The following ITGB5 variants were observed in gnomAD, a reference collection of about 807,000 sequenced individuals.
The protein encoded by ITGB5 is integrin subunit beta 5, also known as integrin beta-5.
A neutral mutation model predicts 84.8 loss-of-function variants in ITGB5; 38 were observed. The ratio of observed to expected loss-of-function variants is 0.45; its 90% CI spans 0.35 to 0.59. The LOEUF (loss-of-function observed/expected upper bound fraction) is 0.59, where lower values mean the gene tolerates loss of function less well. ITGB5 is among the 20% of genes least tolerant of loss of function. The pLI, the probability that ITGB5 is intolerant of heterozygous loss-of-function variation, is 0.01. For missense variants in ITGB5, 905 were observed against 1,034.5 expected, an observed-to-expected ratio of 0.87 and a Z score of 1.72; for synonymous variants, 393 against 414.4, an observed-to-expected ratio of 0.95 and a Z score of 0.63.
chr3:124,782,957 T>C (rs1354475527), intron 10 of ITGB5, among the ~76,000 whole-genome samples: 2 of 151,278 alleles, frequency 1.3e-5, no homozygotes, highest in African/African-American at 4.9e-5. Flanking sequence ...TTATTTTCTA[T>C]TATTTTCCCT....
intron 1 of ITGB5, among the ~76,000 whole-genome samples, chr3:124,881,200 T>C (rs1934550151): frequency 6.6e-6 from 1 of 151,898 alleles, no homozygotes; most frequent in African/African-American, 2.4e-5. Flanking sequence ...GCCAGGGTGG[T>C]CTCGAACTCC....
intron 5 of ITGB5, among the ~76,000 whole-genome samples, chr3:124,827,524 T>C (rs1282526697): frequency 1.3e-5 from 2 of 152,216 alleles, no homozygotes; most frequent in Non-Finnish European, 2.9e-5. Flanking sequence ...AAAACTACAA[T>C]AAGATCCTAC....
intron 3 of ITGB5, among the ~76,000 whole-genome samples, chr3:124,850,433 G>A (rs2065135468): frequency 6.6e-6 from 1 of 151,526 alleles, no homozygotes; most frequent in African/African-American, 2.4e-5. Flanking sequence ...AGTCAGAGTG[G>A]CAGCTCTGAG....
At chr3:124,844,664 T>C (rs1182070282) in intron 4 of ITGB5, among the ~76,000 whole-genome samples, 2 of 152,142 alleles carry the variant, frequency 1.3e-5, no homozygotes, top group Non-Finnish European at 2.9e-5. Flanking sequence ...CTACCAGGAA[T>C]AGATGCTGAG....
In ITGB5 at chr3:124,859,465, G is replaced by T. The variant is rs765364143; in HGVS notation, c.157-19C>A. 1 of 1,608,036 alleles carries T rather than the reference G, an allele frequency of 6.2e-7. No homozygotes were observed. Among genetic ancestry groups the T allele is most frequent in the South Asian group, 1.1e-5 (1 of 90,840 alleles). On this transcript the variant is annotated intron_variant, in intron 2 of 14. Coordinates refer to ENST00000296181, the MANE Select transcript of ITGB5 (RefSeq NM_002213.5). ...CGAAGTCCTAGGCAGGGAAAAAGAG[G>T]AAGAGAGCAGGAGGTGGTCAGGGTG...
At chr3:124,804,680 T>C (rs1254952434) in intron 9 of ITGB5, among the ~76,000 whole-genome samples, 1 of 152,196 alleles carries the variant, frequency 6.6e-6, no homozygotes, top group African/African-American at 2.4e-5. Context: ...TGTTTGTTTG[T>C]TTTTGAGAAG....
chr3:124,765,840 T>G (rs2150921121), intron 13 of ITGB5, among the ~76,000 whole-genome samples: 1 of 152,246 alleles, frequency 6.6e-6, no homozygotes, highest in East Asian at 1.9e-4. Context: ...GTGGATTGTT[T>G]GAGCCCAGGA....
At chr3:124,800,353 G>A (rs560055143) in intron 9 of ITGB5, among the ~76,000 whole-genome samples, 4 of 152,312 alleles carry the variant, frequency 2.6e-5, no homozygotes, top group Non-Finnish European at 5.9e-5. Flanking sequence ...GCCTGCCTTG[G>A]GGTTAAAGCA....
intron 11 of ITGB5, among the ~76,000 whole-genome samples, chr3:124,771,859 T>C (rs761453607): frequency 9.2e-5 from 14 of 152,116 alleles, no homozygotes; most frequent in Non-Finnish European, 1.9e-4. Context: ...CTATGTCTTC[T>C]AAGAAATAAA....
intron 5 of ITGB5, among the ~76,000 whole-genome samples, chr3:124,825,026 G>A (rs976175819): frequency 7.2e-5 from 11 of 151,892 alleles, no homozygotes; most frequent in African/African-American, 1.7e-4. Flanking sequence ...GTGAAACCCC[G>A]TCTCTACTAA....
Position 124,797,960 on chromosome 3 carries a change from A to G in ITGB5, c.1264-1143T>C, listed in dbSNP as rs562119179. The stretch of plus-strand genomic sequence containing the variant: ...CTGGGTCCAAATGTCTTTATTTTTC[A>G]AAAGGCTCCTCAGATCATTCTGAAG... On this transcript the variant is annotated intron_variant, in intron 9 of 14. Coordinates refer to ENST00000296181, the MANE Select transcript of ITGB5 (RefSeq NM_002213.5). Among the ~76,000 whole-genome samples, 7 of 152,162 alleles carry G rather than the reference A, an allele frequency of 4.6e-5. No homozygotes were observed. In the East Asian group the frequency reaches 1.2e-3, roughly 25 times the overall value.
chr3:124,776,514 T>C (rs2063928876), intron 10 of ITGB5, among the ~76,000 whole-genome samples: 1 of 152,122 alleles, frequency 6.6e-6, no homozygotes, highest in African/African-American at 2.4e-5. Context: ...CCCACCCAGA[T>C]CCTACCTTCA....
intron 13 of ITGB5, 104 bp downstream of exon 13, chr3:124,766,122 G>A: frequency 1.7e-6 from 2 of 1,207,534 alleles, no homozygotes; most frequent in Non-Finnish European, 2.3e-6. Flanking sequence ...GTTTCAAAAG[G>A]CCGATGAGGA....
chr3:124,802,182 C>A (rs1024514804), intron 9 of ITGB5, among the ~76,000 whole-genome samples: 6 of 152,242 alleles, frequency 3.9e-5, no homozygotes, highest in African/African-American at 1.2e-4. Flanking sequence ...TGATCTGTGG[C>A]CTCATTTGTC....
Position 124,814,768 on chromosome 3 carries a change from G to A in ITGB5, c.1128+2853C>T, listed in dbSNP as rs556337415. On this transcript the variant is annotated intron_variant, in intron 8 of 14. Transcript: ENST00000296181. ...GTCATAATCACTCATTTTTAAAAGT[G>A]CTGAGTTTCAAAGTTCATTCATAAG... Among the ~76,000 whole-genome samples, 7 of 152,264 alleles carry A rather than the reference G, an allele frequency of 4.6e-5. No homozygotes were observed. In the South Asian group the frequency reaches 1.0e-3, roughly 23 times the overall value.
chr3:124,856,578 G>A (rs1474974844), intron 3 of ITGB5, among the ~76,000 whole-genome samples: 3 of 152,100 alleles, frequency 2.0e-5, no homozygotes, highest in Non-Finnish European at 2.9e-5. Flanking sequence ...ATTATGATAA[G>A]TATATGAAAA....
intron 11 of ITGB5, among the ~76,000 whole-genome samples, chr3:124,772,537 C>T (rs956355650): frequency 1.3e-5 from 2 of 152,334 alleles, no homozygotes; most frequent in Admixed American, 6.5e-5. Context: ...AGAGAAGCGA[C>T]GTTTGTATTA....
intron 3 of ITGB5, among the ~76,000 whole-genome samples, chr3:124,851,070 C>CT (rs2065146223): frequency 6.6e-6 from 1 of 152,216 alleles, no homozygotes; most frequent in Admixed American, 6.5e-5. Context: ...TCTACTTCTA[C>CT]TTTTTTACGA....
intron 4 of ITGB5, among the ~76,000 whole-genome samples, chr3:124,844,098 A>G (rs528783134): frequency 4.6e-5 from 7 of 152,148 alleles, no homozygotes; most frequent in African/African-American, 1.7e-4. Flanking sequence ...TGTAATTTAA[A>G]ATTTTTTAAT....
Sources: gnomAD v4.1 joint callset for allele counts (sites outside exome capture counted in the v4.1 genomes callset) on GRCh38, gnomAD v4.1.1 for gene constraint, MANE v1.5 for transcripts, NCBI Gene and HGNC (gene_info 2026-07-23, HGNC 2026-07-21) for gene names.